Variants in SNCAIP observed in about 807,000 individuals in gnomAD.
SNCAIP encodes the protein synphilin-1.
A neutral mutation model predicts 86.7 loss-of-function variants in SNCAIP; 43 were observed. The ratio of observed to expected loss-of-function variants is 0.50; its 90% confidence interval spans 0.39 to 0.64. The LOEUF (loss-of-function observed/expected upper bound fraction) is 0.64. Ranked by LOEUF, SNCAIP falls within the 30% of genes least tolerant of loss-of-function variation. The pLI, the probability that SNCAIP is intolerant of heterozygous loss-of-function variation, is 0.00. For synonymous variants in SNCAIP, 417 were observed against 427.2 expected, an observed-to-expected ratio of 0.98 and a Z score of 0.29; for missense variants, 981 against 1,103.1, an observed-to-expected ratio of 0.89 and a Z score of 1.57.
intron 10 of SNCAIP, among the ~76,000 whole-genome samples, chr5:122,458,099 G>A (rs1334102477): frequency 6.6e-6 from 1 of 152,200 alleles, no homozygotes; most frequent in African/African-American, 2.4e-5. Context: ...AAACAGTTTA[G>A]TTAGTGTCAA....
intron 1 of SNCAIP, among the ~76,000 whole-genome samples, chr5:122,335,104 T>C (rs996667454): frequency 1.3e-5 from 2 of 152,236 alleles, no homozygotes; most frequent in African/African-American, 4.8e-5. Context: ...AAGGATTTTT[T>C]TCCTCTTTCT....
At chr5:122,427,915 G>A (rs563139807) in intron 5 of SNCAIP, among the ~76,000 whole-genome samples, 15 of 152,224 alleles carry the variant, frequency 9.9e-5, no homozygotes, top group Admixed American at 7.2e-4. Flanking sequence ...GGAATGGAAC[G>A]TAATAAATTC....
chr5:122,312,139 C>T (rs1750691610), upstream of SNCAIP: 1 of 149,990 alleles, frequency 6.7e-6, no homozygotes, highest in South Asian at 2.1e-4. Flanking sequence ...CGCGGCCGGG[C>T]CGCATTGTGA....
At chr5:122,361,165 T>C (rs1452068031) in intron 1 of SNCAIP, among the ~76,000 whole-genome samples, 10 of 146,902 alleles carry the variant, frequency 6.8e-5, no homozygotes, top group Non-Finnish European at 1.5e-4. Context: ...TAATCAAAGA[T>C]AGTCATTTTT....
At chr5:122,438,574 G>A (rs945063335) in intron 6 of SNCAIP, among the ~76,000 whole-genome samples, 1 of 152,134 alleles carries the variant, frequency 6.6e-6, no homozygotes, top group African/African-American at 2.4e-5. Context: ...AGAAGTGTTT[G>A]GTCTTTATTT....
intron 5 of SNCAIP, among the ~76,000 whole-genome samples, chr5:122,425,965 G>C (rs1777299934): frequency 6.6e-6 from 1 of 152,214 alleles, no homozygotes; most frequent in African/African-American, 2.4e-5. Flanking sequence ...TCTGAAGTTT[G>C]AGTGTCTTCA....
chr5:122,373,684 G>A (rs773937653), intron 1 of SNCAIP, among the ~76,000 whole-genome samples: 6 of 152,120 alleles, frequency 3.9e-5, no homozygotes, highest in Non-Finnish European at 7.4e-5. Context: ...TAAAAACTTG[G>A]TGGTGAATGT....
intron 1 of SNCAIP, among the ~76,000 whole-genome samples, chr5:122,357,328 T>C (rs914825887): frequency 2.6e-5 from 4 of 151,990 alleles, no homozygotes; most frequent in African/African-American, 9.7e-5. Context: ...CTCCACCTCC[T>C]GGGTTCAAGC....
chr5:122,372,762 C>T lies in SNCAIP; in HGVS notation c.-46-18327C>T, dbSNP rs181029160. On this transcript the variant is annotated intron_variant, in intron 1 of 10. Transcript: ENST00000261368. ...GATATTTGCTCGTGGACATAATCCC[C>T]ATGTTTATAAAGATGTCTTCTTTTT... is the stretch of plus-strand genomic sequence containing the variant. 8.0e-4 allele frequency among the ~76,000 whole-genome samples: 121 copies of T among 152,166 alleles called. 1 individual carries two copies. Among genetic ancestry groups the T allele is most frequent in the African/African-American group, 2.8e-3 (117 of 41,536 alleles).
chr5:122,425,547 C>A lies in SNCAIP; in HGVS notation c.1182+16C>A, dbSNP rs372833471. On this transcript the variant is annotated intron_variant, in intron 5 of 10. Transcript: ENST00000261368. ...GGCCATTAAGGTGACTGGTTGGGGGCTGGAACCTCCACAGCTAGAAGCTGG... is the reference window on the plus strand; with the variant it reads ...GGCCATTAAGGTGACTGGTTGGGGGATGGAACCTCCACAGCTAGAAGCTGG... 8.7e-6 allele frequency: 14 copies of A among 1,605,454 alleles called. No individual in the cohort carries two copies. The African/African-American group carries it at 1.6e-4, about 18-fold the overall frequency.
intron 1 of SNCAIP, among the ~76,000 whole-genome samples, chr5:122,355,190 C>T (rs982433683): frequency 1.3e-5 from 2 of 152,172 alleles, no homozygotes; most frequent in African/African-American, 4.8e-5. Flanking sequence ...ACAAATTCAA[C>T]TTAGGTATAA....
chr5:122,390,875 G>A (rs1769195435), intron 1 of SNCAIP, among the ~76,000 whole-genome samples: 1 of 152,156 alleles, frequency 6.6e-6, no homozygotes, highest in South Asian at 2.1e-4. Flanking sequence ...GACTTTGAGT[G>A]CCCACTGGGG....
intron 1 of SNCAIP, among the ~76,000 whole-genome samples, chr5:122,338,540 A>G (rs1580484633): frequency 6.6e-6 from 1 of 152,234 alleles, no homozygotes; most frequent in East Asian, 1.9e-4. Flanking sequence ...ACAGAACTAC[A>G]GTTATACCAT....
intron 1 of SNCAIP, among the ~76,000 whole-genome samples, chr5:122,350,518 GTT>G (rs34718418): frequency 3.7e-5 from 5 of 136,264 alleles, no homozygotes; most frequent in African/African-American, 7.8e-5. Flanking sequence ...TTTTTTGTTT[GTT>G]TTTTTTTTTT....
At chr5:122,399,069 G>A (rs1427706481) in intron 2 of SNCAIP, among the ~76,000 whole-genome samples, 1 of 152,170 alleles carries the variant, frequency 6.6e-6, no homozygotes, top group African/African-American at 2.4e-5. Flanking sequence ...ATAATGTACT[G>A]AGATAGGCTA....
chr5:122,432,268 A>G (rs1313456515), intron 6 of SNCAIP, among the ~76,000 whole-genome samples, 186 bp downstream of exon 6: 4 of 152,168 alleles, frequency 2.6e-5, no homozygotes, highest in South Asian at 4.1e-4. Context: ...CTAAATAAAT[A>G]TCCCATGACA....
At position 122,403,806 on chromosome 5, in the gene SNCAIP, C is replaced by T. The variant is rs1772365230; in HGVS notation, c.71C>T (p.Ser24Leu). The change falls in exon 3 of 11, where the codon TCA becomes TTA. Residue 24 changes from serine (S) to leucine (L), a missense_variant. By Grantham distance (145) the Ser-to-Leu change is moderately radical. Coordinates refer to ENST00000261368, the MANE Select transcript of SNCAIP (RefSeq NM_005460.4). ...FSDDISYSVT[S>L]LKTIPELCRR... ...CTTCCCGTTCAGTATTCAGTCACAT[C>T]ACTCAAGACGATCCCAGAACTGTGC... is the stretch of plus-strand genomic sequence containing the variant. The T allele has an allele frequency of 6.2e-7, 1 of 1,613,500 alleles. No homozygotes were observed. The highest frequency in any genetic ancestry group is 1.3e-5 in the African/African-American group (1 of 74,900).
chr5:122,425,647 G>A (rs1029282866), intron 5 of SNCAIP, 116 bp downstream of exon 5: 21 of 837,434 alleles, frequency 2.5e-5, no homozygotes, highest in South Asian at 4.4e-5. Context: ...CAAGCAAAGA[G>A]CAAATGAACA....
intron 1 of SNCAIP, among the ~76,000 whole-genome samples, chr5:122,335,920 T>C (rs1042233179): frequency 6.6e-6 from 1 of 152,236 alleles, no homozygotes; most frequent in African/African-American, 2.4e-5. Context: ...TGGGCGAATA[T>C]GTCCTTAAGT....
Sources: gnomAD v4.1 joint callset for allele counts (sites outside exome capture counted in the v4.1 genomes callset) on GRCh38, gnomAD v4.1.1 for gene constraint, MANE v1.5 for transcripts, NCBI Gene and HGNC (gene_info 2026-07-23, HGNC 2026-07-21) for gene names.